Variants in GLIPR1 observed in about 807,000 individuals in gnomAD.
The protein encoded by GLIPR1 is glioma pathogenesis-related protein 1.
A neutral mutation model predicts 30.3 loss-of-function variants in GLIPR1; 38 were observed. The observed-to-expected ratio is 1.26, with a 90% CI of 0.97 to 1.65. The LOEUF is 1.65. GLIPR1 is among the 40% of genes most tolerant of loss of function. The pLI is 0.00. For synonymous variants in GLIPR1, 122 were observed against 110.6 expected (o/e 1.10, Z -0.65); for missense variants, 285 against 326.5 (o/e 0.87, Z 0.98).
At chr12:75,495,501 A>T in intron 3 of GLIPR1, 76 bp from the exon 4 acceptor site, 1 of 743,258 alleles carries the variant, frequency 1.3e-6, no homozygotes, top group Non-Finnish European at 2.4e-6. Flanking sequence ...TTCTGGATTT[A>T]GTTAAGGATT....
rs983503923 is a variant in GLIPR1, at chr12:75,502,838, G to A, written c.*3860G>A. The A allele has an allele frequency of 3.3e-5, 5 of 152,032 alleles. No homozygotes were observed. Among genetic ancestry groups the A allele is most frequent in the Non-Finnish European group, 5.9e-5 (4 of 67,952 alleles). The allele number at this position is 152,032 out of a possible 1,614,324, so 9.4% of individuals were successfully genotyped here. Reference sequence around the variant, plus strand: ...CCATAAGAAATAAGGCAGGTGTTATGGAAGCATGGTTTAATGACTGCATCA... The same window carrying A: ...CCATAAGAAATAAGGCAGGTGTTATAGAAGCATGGTTTAATGACTGCATCA... On this transcript the variant is annotated 3_prime_UTR_variant, in exon 6 of 6. Coordinates refer to ENST00000266659, the MANE Select transcript of GLIPR1 (RefSeq NM_006851.3).
At chr12:75,483,977 G>C (rs556860231) in intron 2 of GLIPR1, 1 of 152,236 alleles carries the variant, frequency 6.6e-6, no homozygotes, top group East Asian at 1.9e-4. Flanking sequence ...ATCGAAAGAA[G>C]AGAACATTTG....
rs2046394460 is a variant in GLIPR1 at position 75,501,593 on chromosome 12, A to G, written c.*2615A>G. ...ATCTCAGCCATCCCTTGTCCTTAGG[A>G]TTAGTAATTAATGAAATGCTAAGAG... is the stretch of plus-strand genomic sequence containing the variant. On this transcript the variant is annotated 3_prime_UTR_variant, in exon 6 of 6. Transcript: ENST00000266659. 2 of 642,706 alleles carry G rather than the reference A, an allele frequency of 3.1e-6. No homozygotes were observed. Among genetic ancestry groups the G allele is most frequent in the African/African-American group, 1.8e-5 (1 of 54,562 alleles). 39.8% of individuals were successfully genotyped at this position (642,706 alleles called of 1,614,324 possible).
At chr12:75,487,761 A>G (rs755553830) in intron 2 of GLIPR1, 1 of 456,512 alleles carries the variant, frequency 2.2e-6, no homozygotes, top group South Asian at 1.5e-5. Context: ...AGGGGTCGGG[A>G]TCCAAACCCC....
intron 4 of GLIPR1, chr12:75,497,151 G>A (rs890939975): frequency 6.6e-6 from 1 of 152,082 alleles, no homozygotes; most frequent in African/African-American, 2.4e-5. Context: ...CTGTGACTTT[G>A]GGCAAGTTTC....
intron 3 of GLIPR1, chr12:75,492,110 AG>A (rs1335519614): frequency 1.4e-5 from 2 of 147,358 alleles, no homozygotes; most frequent in African/African-American, 2.5e-5. Flanking sequence ...TTTTTGAGAC[AG>A]GGTCTCTCAC....
At chr12:75,493,804 A>C (rs1235258274) in intron 3 of GLIPR1, 2 of 152,222 alleles carry the variant, frequency 1.3e-5, no homozygotes, top group East Asian at 3.8e-4. Flanking sequence ...AGGCCTTTCC[A>C]GTAGCATGTT....
Position 75,502,783 on chromosome 12 carries a change from G to A in GLIPR1, c.*3805G>A, listed in dbSNP as rs1726680021. 6.6e-6 allele frequency: 1 copy of A among 151,972 alleles called. No homozygotes were observed. The highest frequency in any genetic ancestry group is 2.4e-5 in the African/African-American group (1 of 41,408). 9.4% of individuals were successfully genotyped at this position (151,972 alleles called of 1,614,324 possible). A position where few individuals can be genotyped will look rare whatever the true frequency, so the allele number is the denominator to read the frequency against. ...TCAAGAAGCTTACACAGCTACAGAA[G>A]AAAGATAAGTCAATTACTACAAGAA... On this transcript the variant is annotated 3_prime_UTR_variant, in exon 6 of 6. Coordinates refer to ENST00000266659, the MANE Select transcript of GLIPR1 (RefSeq NM_006851.3).
chr12:75,495,730 C>T (rs2046346535), intron 4 of GLIPR1, 68 bp downstream of exon 4: 1 of 920,402 alleles, frequency 1.1e-6, no homozygotes, highest in East Asian at 2.6e-5. Context: ...ACAGAATTAA[C>T]AATGAAACCA....
At chr12:75,489,308 A>G (rs2046309124) in intron 2 of GLIPR1, among the ~76,000 whole-genome samples, 1 of 152,052 alleles carries the variant, frequency 6.6e-6, no homozygotes, top group Non-Finnish European at 1.5e-5. Flanking sequence ...CTCCTACATC[A>G]CTGACCACTC....
chr12:75,498,861 T>G lies in GLIPR1; in HGVS notation c.684T>G (p.Tyr228Ter), dbSNP rs770246421. ...YSVVYPGWPI[Y>*]PRNRYTSLFL... ...TTGTATATCCAGGCTGGCCCATATA[T>G]CCACGTAACAGATACACTTCTCTCT... Residue 228 changes from tyrosine (Y) to a stop codon, truncating the protein, a stop_gained, in exon 6 of 6, where the codon TAT (tyrosine) becomes TAG (stop). Transcript: ENST00000266659. LOFTEE classifies it low-confidence loss of function (END_TRUNC). 10 of 1,611,864 alleles carry G rather than the reference T, an allele frequency of 6.2e-6. No homozygotes were observed. Among genetic ancestry groups the G allele is most frequent in the South Asian group, 2.2e-5 (2 of 90,980 alleles).
Position 75,480,793 on chromosome 12 carries a change from C to A in GLIPR1, c.-88C>A. The A allele has an allele frequency of 2.0e-6, 2 of 987,420 alleles. No homozygotes were observed. Among genetic ancestry groups the A allele is most frequent in the African/African-American group, 1.6e-5 (1 of 62,092 alleles). 61.2% of individuals were successfully genotyped at this position (987,420 alleles called of 1,614,324 possible). On this transcript the variant is annotated 5_prime_UTR_variant, in exon 1 of 6. In the 5' UTR this introduces an upstream ATG that the reference lacks. Coordinates refer to ENST00000266659, the MANE Select transcript of GLIPR1 (RefSeq NM_006851.3). Reference sequence around the variant, plus strand: ...GCTGAAGTCGGCTAGGTTTGCAAAGCTGTGGGCTGAGCACTCAGGCAATCA... The same window carrying A: ...GCTGAAGTCGGCTAGGTTTGCAAAGATGTGGGCTGAGCACTCAGGCAATCA...
intron 2 of GLIPR1, among the ~76,000 whole-genome samples, chr12:75,489,157 G>C (rs992252137): frequency 1.3e-5 from 2 of 152,072 alleles, no homozygotes; most frequent in African/African-American, 4.8e-5. Context: ...AAAATGATGT[G>C]GAATCTTTTG....
At chr12:75,487,635 A>T in intron 2 of GLIPR1, 1 of 375,680 alleles carries the variant, frequency 2.7e-6, no homozygotes. Flanking sequence ...TCTGCCCATC[A>T]TCTCCCTAGT....
intron 2 of GLIPR1, chr12:75,483,692 C>T (rs80193030): frequency 6.6e-6 from 1 of 152,062 alleles, no homozygotes; most frequent in African/African-American, 2.4e-5. Context: ...CTTATCCGGC[C>T]AAAAGGAAGT....
rs1265426005 is a variant in GLIPR1, at chr12:75,501,199, G to A, written c.*2221G>A. On this transcript the variant is annotated 3_prime_UTR_variant, in exon 6 of 6. Coordinates refer to ENST00000266659, the MANE Select transcript of GLIPR1 (RefSeq NM_006851.3). ...TCTCTTAGTGTCTTTTAAATACTAG[G>A]TTAGTGCGAAAGTGATTTCTGCCAT... 1 of 152,720 alleles carries A rather than the reference G, an allele frequency of 6.5e-6. No individual in the cohort carries two copies. 9.5% of individuals were successfully genotyped at this position (152,720 alleles called of 1,614,324 possible).
Position 75,500,057 on chromosome 12 carries a change from A to C in GLIPR1, c.*1079A>C. ...ATATGTTTAAGGCAGTTAACTTCAG[A>C]GTATTCTTATAATTGAATAATTGAA... On this transcript the variant is annotated 3_prime_UTR_variant, in exon 6 of 6. Coordinates refer to ENST00000266659, the MANE Select transcript of GLIPR1 (RefSeq NM_006851.3). 1.2e-6 allele frequency: 1 copy of C among 814,620 alleles called. No homozygotes were observed. The highest frequency in any genetic ancestry group is 1.9e-5 in the South Asian group (1 of 53,458). 50.5% of individuals were successfully genotyped at this position (814,620 alleles called of 1,614,324 possible).
intron 1 of GLIPR1, 73 bp downstream of exon 1, chr12:75,481,127 A>AC: frequency 8.8e-7 from 1 of 1,135,512 alleles, no homozygotes; most frequent in Admixed American, 2.0e-5. Flanking sequence ...TGGTGTTAAT[A>AC]CCTTCGTAAT....
At position 75,501,406 on chromosome 12, in the gene GLIPR1, G is replaced by A. The variant is rs2046392857; in HGVS notation, c.*2428G>A. On this transcript the variant is annotated 3_prime_UTR_variant, in exon 6 of 6. Transcript: ENST00000266659. ...CCTCTTTGAGAGGCATGACAGCAGA[G>A]CTCAGGGATCTTCTTGCATTTCTAC... 1 of 248,174 alleles carries A rather than the reference G, an allele frequency of 4.0e-6. No homozygotes were observed. The highest frequency in any genetic ancestry group is 7.6e-5 in the South Asian group (1 of 13,100). 15.4% of individuals were successfully genotyped at this position (248,174 alleles called of 1,614,324 possible). A position where few individuals can be genotyped will look rare whatever the true frequency, so the allele number is the denominator to read the frequency against.
Sources: gnomAD v4.1 joint callset for allele counts (sites outside exome capture counted in the v4.1 genomes callset) on GRCh38, gnomAD v4.1.1 for gene constraint, MANE v1.5 for transcripts, NCBI Gene and HGNC (gene_info 2026-07-23, HGNC 2026-07-21) for gene names.